The following RBFOX1 variants were observed in gnomAD, a reference collection of about 807,000 sequenced individuals.
RBFOX1 encodes the protein RNA binding protein fox-1 homolog 1.
Under a neutral mutation model 57.7 loss-of-function variants are expected in RBFOX1, and 8 were observed. That is an observed-to-expected ratio of 0.14 (90% CI 0.08 to 0.25). The LOEUF (loss-of-function observed/expected upper bound fraction) is 0.25, where lower values mean the gene tolerates loss of function less well. RBFOX1 is among the 10% of genes least tolerant of loss of function. The probability of loss-of-function intolerance (pLI) is 1.00; values close to 1 mark genes in which losing one functional copy is unlikely to be tolerated. For synonymous variants in RBFOX1, 326 were observed against 222.4 expected (o/e 1.47, Z -4.15); for missense variants, 611 against 548.5 (o/e 1.11, Z -1.14).
At chr16:7,001,608 C>T (rs755597828) in intron 3 of RBFOX1, among the ~76,000 whole-genome samples, 32 of 152,022 alleles carry the variant, frequency 2.1e-4, no homozygotes, top group Non-Finnish European at 1.2e-4. Flanking sequence ...AGGCACGTGC[C>T]ATCACACCCT....
intron 1 of RBFOX1, among the ~76,000 whole-genome samples, chr16:5,378,609 A>G (rs1041564115): frequency 5.3e-5 from 8 of 151,492 alleles, no homozygotes; most frequent in African/African-American, 9.8e-5. Flanking sequence ...GGTACTTTCC[A>G]TGTTAACATG....
At chr16:7,436,213 T>C (rs547038312) in intron 4 of RBFOX1, among the ~76,000 whole-genome samples, 6 of 152,202 alleles carry the variant, frequency 3.9e-5, no homozygotes, top group East Asian at 3.9e-4. Context: ...TCTATTCTTA[T>C]TGTTTTTGTT....
chr16:7,335,606 A>G (rs552527442), intron 4 of RBFOX1, among the ~76,000 whole-genome samples: 48 of 64,944 alleles, frequency 7.4e-4, no homozygotes, highest in African/African-American at 6.8e-3. Context: ...AAAAAAAAAA[A>G]AAACCAAGTG....
At chr16:6,654,454 T>C (rs1159351314) in intron 2 of RBFOX1, 149 bp from the exon 3 acceptor site, 5 of 621,486 alleles carry the variant, frequency 8.0e-6, no homozygotes, top group Non-Finnish European at 5.3e-6. Context: ...AAAAGCACTA[T>C]AAAGAGCAAT....
intron 3 of RBFOX1, among the ~76,000 whole-genome samples, chr16:6,899,420 T>C (rs2153404998): frequency 2.0e-5 from 3 of 152,318 alleles, no homozygotes; most frequent in Admixed American, 2.0e-4. Context: ...CATGGATACA[T>C]TACAATTTTT....
At chr16:5,755,945 A>T (rs1157195666) in intron 3 of RBFOX1, among the ~76,000 whole-genome samples, 1 of 152,106 alleles carries the variant, frequency 6.6e-6, no homozygotes, top group Admixed American at 6.6e-5. Flanking sequence ...GGGAAGTAGG[A>T]GATGAAGTAA....
chr16:5,697,590 T>C (rs1052812970), intron 3 of RBFOX1, among the ~76,000 whole-genome samples: 1 of 146,890 alleles, frequency 6.8e-6, no homozygotes, highest in African/African-American at 2.5e-5. Flanking sequence ...CTGGAGTGCA[T>C]TGGCATGACC....
chr16:6,743,613 C>T (rs1467962653), intron 3 of RBFOX1, among the ~76,000 whole-genome samples: 2 of 151,546 alleles, frequency 1.3e-5, no homozygotes, highest in Non-Finnish European at 2.9e-5. Context: ...CATGGTGGTG[C>T]ATGTCTGTAG....
chr16:6,563,964 C>G (rs1315125321), intron 2 of RBFOX1, among the ~76,000 whole-genome samples: 1 of 151,786 alleles, frequency 6.6e-6, no homozygotes, highest in East Asian at 1.9e-4. Flanking sequence ...GGGGATCATT[C>G]TTCAACATGA....
intron 4 of RBFOX1, among the ~76,000 whole-genome samples, chr16:5,884,792 G>A (rs1370852049): frequency 6.6e-6 from 1 of 152,130 alleles, no homozygotes; most frequent in African/African-American, 2.4e-5. Context: ...TGTAGTTGAT[G>A]AGTGAGGTCC....
chr16:6,362,179 C>T (rs534431605), intron 2 of RBFOX1, among the ~76,000 whole-genome samples: 41 of 151,520 alleles, frequency 2.7e-4, no homozygotes, highest in African/African-American at 9.9e-4. Flanking sequence ...CCACCCCACG[C>T]CCCCCCAAAA....
chr16:5,789,862 T>G (rs1266114334), intron 3 of RBFOX1, among the ~76,000 whole-genome samples: 1 of 152,190 alleles, frequency 6.6e-6, no homozygotes, highest in African/African-American at 2.4e-5. Context: ...GTACGCAGAT[T>G]ATAGACTTGG....
rs59680048 is a variant in RBFOX1 at position 7,426,298 on chromosome 16, A to G, written c.28-91849A>G. On this transcript the variant is annotated intron_variant, in intron 4 of 15. Transcript: ENST00000550418. ...TCTCCCCGCTTAATCCTTACTAGCA[A>G]TTTGCCTATAGTTGCAGCTAACAAG... Among the ~76,000 whole-genome samples, 1,257 of 152,264 alleles carry G rather than the reference A, an allele frequency of 8.3e-3. 18 individuals carry two copies. Among genetic ancestry groups the G allele is most frequent in the African/African-American group, 0.029 (1,206 of 41,558 alleles).
intron 3 of RBFOX1, among the ~76,000 whole-genome samples, chr16:6,973,740 A>G (rs189089551): frequency 6.6e-6 from 1 of 152,306 alleles, no homozygotes; most frequent in Non-Finnish European, 1.5e-5. Flanking sequence ...TTTGGCGAGC[A>G]TAACTGCACT....
chr16:6,142,273 G>A lies in RBFOX1; in HGVS notation c.-127+122281G>A, dbSNP rs377687535. 2.3e-4 allele frequency among the ~76,000 whole-genome samples: 33 copies of A among 142,144 alleles called. No individual in the cohort carries two copies. In the South Asian group the frequency reaches 7.2e-3, roughly 31 times the overall value. The allele number at this position is 142,144 out of a possible 152,430, so 93.3% of individuals were successfully genotyped here. On this transcript the variant is annotated intron_variant, in intron 1 of 15. Coordinates refer to ENST00000550418, the MANE Select transcript of RBFOX1 (RefSeq NM_018723.4). Reference sequence around the variant, plus strand: ...GTCTTGCTCTGTCACCCAGGCTGGAGTGAAATGGCGTGATCTTGGCTCACT... The same window carrying A: ...GTCTTGCTCTGTCACCCAGGCTGGAATGAAATGGCGTGATCTTGGCTCACT...
At chr16:5,694,950 T>G (rs2050803151) in intron 3 of RBFOX1, among the ~76,000 whole-genome samples, 1 of 151,840 alleles carries the variant, frequency 6.6e-6, no homozygotes, top group Admixed American at 6.6e-5. Flanking sequence ...TAGTAATGGT[T>G]GTGGAATTTA....
intron 14 of RBFOX1, among the ~76,000 whole-genome samples, chr16:7,678,428 G>A (rs1286634785): frequency 6.6e-6 from 1 of 152,100 alleles, no homozygotes; most frequent in Middle Eastern, 3.2e-3. Flanking sequence ...GCTTCACAAA[G>A]TATCAATTGT....
chr16:7,396,953 GA>G (rs1180055970), intron 4 of RBFOX1, among the ~76,000 whole-genome samples: 1 of 151,762 alleles, frequency 6.6e-6, no homozygotes, highest in African/African-American at 2.4e-5. Context: ...AAAAATAAAA[GA>G]AAAAAAGAAA....
intron 4 of RBFOX1, among the ~76,000 whole-genome samples, chr16:7,165,554 T>C (rs995049891): frequency 1.3e-5 from 2 of 151,790 alleles, no homozygotes; most frequent in Admixed American, 1.3e-4. Context: ...CTCAGCCTCC[T>C]GAGTAGCTGG....
Sources: gnomAD v4.1 joint callset for allele counts (sites outside exome capture counted in the v4.1 genomes callset) on GRCh38, gnomAD v4.1.1 for gene constraint, MANE v1.5 for transcripts, NCBI Gene and HGNC (gene_info 2026-07-23, HGNC 2026-07-21) for gene names.